DET1: variants seen among roughly 807,000 people sequenced by gnomAD.
DET1 encodes the protein DET1 partner of COP1 E3 ubiquitin ligase, also known as DET1 homolog.
DET1 carries 22 observed loss-of-function variants against 43.7 expected under a neutral mutation model. The observed-to-expected ratio is 0.50, with a 90% CI of 0.36 to 0.72. The LOEUF is 0.72. DET1 is among the 30% of genes least tolerant of loss of function. The pLI, the probability that DET1 is intolerant of heterozygous loss-of-function variation, is 0.00. For missense variants in DET1, 713 were observed against 713.3 expected, an observed-to-expected ratio of 1.00 and a Z score of 0.00; for synonymous variants, 315 against 266.2, an observed-to-expected ratio of 1.18 and a Z score of -1.79.
chr15:88,517,528 A>G (rs1310387765), intron 3 of DET1, among the ~76,000 whole-genome samples: 1 of 152,088 alleles, frequency 6.6e-6, no homozygotes, highest in Non-Finnish European at 1.5e-5. Context: ...ACCCGGCCCT[A>G]CTTTAGAAAA....
Position 88,516,509 on chromosome 15 carries a change from G to C in DET1, c.1463+273C>G, listed in dbSNP as rs1391148053. Among the ~76,000 whole-genome samples, 1 of 152,158 alleles carries C rather than the reference G, an allele frequency of 6.6e-6. No homozygotes were observed. Among genetic ancestry groups the C allele is most frequent in the Non-Finnish European group, 1.5e-5 (1 of 68,028 alleles). On this transcript the variant is annotated intron_variant, in intron 4 of 4. Coordinates refer to ENST00000268148, the MANE Select transcript of DET1 (RefSeq NM_001144074.3). The surrounding 1 kb of genome is among the most constrained non-coding windows in gnomAD (Gnocchi z 4.4). ...GGAATGGTATTAGATTATTAAATGGGAAAGTACAGCTTCCTCCCCTGGATA... is the reference window on the plus strand; with the variant it reads ...GGAATGGTATTAGATTATTAAATGGCAAAGTACAGCTTCCTCCCCTGGATA...
chr15:88,525,848 T>TG (rs2056649105), intron 3 of DET1, among the ~76,000 whole-genome samples: 3 of 138,096 alleles, frequency 2.2e-5, no homozygotes, highest in East Asian at 2.4e-4. Flanking sequence ...TTTTTTTTTT[T>TG]GCATTTTTTG....
intron 2 of DET1, among the ~76,000 whole-genome samples, chr15:88,529,439 G>C (rs2056754182): frequency 6.6e-6 from 1 of 152,108 alleles, no homozygotes; most frequent in Admixed American, 6.5e-5. Flanking sequence ...GCTCACCCAT[G>C]ATTGCTCAAT....
At chr15:88,532,337 A>C (rs868270612) in intron 1 of DET1, among the ~76,000 whole-genome samples, 3 of 152,288 alleles carry the variant, frequency 2.0e-5, no homozygotes, top group Middle Eastern at 3.4e-3. Context: ...TTCAATGTGC[A>C]TTCATTCCAG....
intron 4 of DET1, 43 bp from the exon 5 acceptor site, chr15:88,513,183 T>A: frequency 6.5e-7 from 1 of 1,541,972 alleles, no homozygotes; most frequent in Non-Finnish European, 8.8e-7. Flanking sequence ...GGGGACAGGA[T>A]TGATATTCAC....
At chr15:88,538,269 G>A (rs1043165795) in intron 1 of DET1, among the ~76,000 whole-genome samples, 8 of 150,810 alleles carry the variant, frequency 5.3e-5, no homozygotes, top group African/African-American at 2.0e-4. Flanking sequence ...CTGACTCCCA[G>A]CACATCCAAG....
chr15:88,546,343 G>C (rs888276509), intron 1 of DET1, 197 bp downstream of exon 1: 2 of 152,420 alleles, frequency 1.3e-5, no homozygotes, highest in Admixed American at 6.5e-5. Flanking sequence ...AACCAGAAGG[G>C]GATGCCAAGG....
intron 1 of DET1, among the ~76,000 whole-genome samples, chr15:88,545,363 T>C (rs1032050145): frequency 2.0e-5 from 3 of 152,186 alleles, no homozygotes; most frequent in South Asian, 4.1e-4. Flanking sequence ...GGTGACCCTA[T>C]GTTCCAGAAA....
intron 3 of DET1, among the ~76,000 whole-genome samples, chr15:88,521,353 T>A (rs1385472856): frequency 6.6e-6 from 1 of 152,234 alleles, no homozygotes; most frequent in Non-Finnish European, 1.5e-5. Context: ...TGGCAATCTC[T>A]TCTTAATATA....
At chr15:88,533,132 G>A (rs2056859398) in intron 1 of DET1, among the ~76,000 whole-genome samples, 1 of 152,110 alleles carries the variant, frequency 6.6e-6, no homozygotes, top group Non-Finnish European at 1.5e-5. Context: ...TCAAAGTACT[G>A]GAACAGACAT....
chr15:88,533,506 T>C (rs529122276), intron 1 of DET1, among the ~76,000 whole-genome samples: 9 of 152,202 alleles, frequency 5.9e-5, no homozygotes, highest in East Asian at 3.9e-4. Context: ...GCGCTATTCA[T>C]AGTAGTCAAG....
At position 88,531,654 on chromosome 15, in the gene DET1, C is replaced by A; in HGVS notation, c.52G>T (p.Val18Phe). Residue 18 changes from valine to phenylalanine, a missense_variant, in exon 2 of 5, where the codon GTC (valine) becomes TTC (phenylalanine). Physicochemically the swap from Val to Phe is conservative, Grantham distance 50 (BLOSUM62 -1). Coordinates refer to ENST00000268148, the MANE Select transcript of DET1 (RefSeq NM_001144074.3). This position sits in a 1 kb window ranked among gnomAD's most constrained non-coding sequence, Gnocchi z 6.2. ...IKPRRIQNQN[V>F]IHRLERRRIS... ...CGCCGGCGTTCCAAGCGGTGAATGA[C>A]ATTTTGGTTTTGGATTCTTCGAGGC... is the stretch of plus-strand genomic sequence containing the variant. 1 of 1,613,286 alleles carries A rather than the reference C, an allele frequency of 6.2e-7. No individual in the cohort carries two copies. Among genetic ancestry groups the A allele is most frequent in the Non-Finnish European group, 8.5e-7 (1 of 1,179,252 alleles).
downstream of DET1, among the ~76,000 whole-genome samples, chr15:88,508,771 C>A (rs1037464649): frequency 4.6e-5 from 7 of 152,112 alleles, no homozygotes; most frequent in Admixed American, 3.3e-4. Flanking sequence ...TTAATTTAGA[C>A]AACTCTTTTG....
intron 1 of DET1, among the ~76,000 whole-genome samples, chr15:88,538,119 C>T (rs1185152006): frequency 6.6e-6 from 1 of 152,184 alleles, no homozygotes; most frequent in East Asian, 1.9e-4. Context: ...GAAAGCCTGA[C>T]TGAATTGGGA....
chr15:88,543,451 T>C (rs772839628), intron 1 of DET1, among the ~76,000 whole-genome samples: 5 of 152,218 alleles, frequency 3.3e-5, no homozygotes, highest in Admixed American at 6.5e-5. Context: ...CTCTCCCACA[T>C]GGTGTTTAAA....
chr15:88,533,881 T>C (rs1380104742), intron 1 of DET1, among the ~76,000 whole-genome samples: 1 of 100,660 alleles, frequency 9.9e-6, no homozygotes, highest in Admixed American at 9.7e-5. Context: ...AAAAAATTAA[T>C]GTAAAATACT....
At chr15:88,537,679 G>A (rs1004994327) in intron 1 of DET1, among the ~76,000 whole-genome samples, 2 of 152,140 alleles carry the variant, frequency 1.3e-5, no homozygotes, top group African/African-American at 4.8e-5. Flanking sequence ...ACTATATTCT[G>A]TATGCTCATC....
intron 4 of DET1, among the ~76,000 whole-genome samples, chr15:88,514,483 A>G (rs919235335): frequency 3.3e-5 from 5 of 152,248 alleles, no homozygotes; most frequent in African/African-American, 1.2e-4. Flanking sequence ...TAACTAGTAC[A>G]TGAATAAAGA....
At chr15:88,527,917 CAA>C in intron 2 of DET1, 131 bp from the exon 3 acceptor site, 3 of 593,614 alleles carry the variant, frequency 5.1e-6, no homozygotes, top group Non-Finnish European at 7.9e-6. Flanking sequence ...ACAACAACAA[CAA>C]CAAGCAAACA....
Sources: gnomAD v4.1 joint callset for allele counts (sites outside exome capture counted in the v4.1 genomes callset) on GRCh38, gnomAD v4.1.1 for gene constraint, Gnocchi (gnomAD v3.1) non-coding constraint, MANE v1.5 for transcripts, NCBI Gene and HGNC (gene_info 2026-07-23, HGNC 2026-07-21) for gene names.